IFT27: variants seen among roughly 807,000 people sequenced by gnomAD.
The protein encoded by IFT27 is intraflagellar transport 27.
In IFT27, 19 loss-of-function variants were observed where a neutral mutation model predicts 23.9. The ratio of observed to expected loss-of-function variants is 0.79; its 90% CI spans 0.55 to 1.16. The LOEUF is 1.16. Among genes scored for constraint, IFT27 ranks in the 50% most tolerant of loss-of-function variants. The pLI is 0.00. For synonymous variants in IFT27, 91 were observed against 89.1 expected (o/e 1.02, Z -0.12); for missense variants, 206 against 228.7 (o/e 0.90, Z 0.64).
At chr22:36,770,511 C>T (rs534895269) in intron 1 of IFT27, among the ~76,000 whole-genome samples, 3 of 152,316 alleles carry the variant, frequency 2.0e-5, no homozygotes, top group Admixed American at 6.5e-5. Flanking sequence ...TCCAAAAACC[C>T]GTGTGCGTTG....
intron 6 of IFT27, chr22:36,760,133 T>C (rs533408304): frequency 2.0e-5 from 3 of 152,252 alleles, no homozygotes; most frequent in Non-Finnish European, 4.4e-5. Flanking sequence ...AAGAATTCAG[T>C]ACATCCTGCC....
chr22:36,766,088 G>T (rs375310604), intron 4 of IFT27, 50 bp downstream of exon 4: 3 of 1,470,824 alleles, frequency 2.0e-6, no homozygotes, highest in Non-Finnish European at 2.9e-6. Flanking sequence ...AGGGGTAAAC[G>T]TTTTGGCAGG....
intron 5 of IFT27, 138 bp downstream of exon 5, chr22:36,763,781 G>T (rs1410733871): frequency 1.4e-6 from 1 of 729,876 alleles, no homozygotes; most frequent in South Asian, 1.5e-5. Context: ...TAAGTGGCAG[G>T]GCCAGTGTAC....
At chr22:36,772,478 A>C in intron 1 of IFT27, 1 of 984,668 alleles carries the variant, frequency 1.0e-6, no homozygotes, top group Non-Finnish European at 1.2e-6. Flanking sequence ...TGTTTTTTTA[A>C]AAGTAAACAA....
At chr22:36,758,610 A>G (rs1937995917) in intron 6 of IFT27, 1 of 581,508 alleles carries the variant, frequency 1.7e-6, no homozygotes. Flanking sequence ...AGATGAAGGT[A>G]CCTTGCAGGA....
At chr22:36,758,659 C>T in intron 6 of IFT27, 1 of 512,910 alleles carries the variant, frequency 1.9e-6, no homozygotes, top group Admixed American at 3.2e-5. Context: ...GGGGCCTGAA[C>T]CCATGTCTGT....
intron 6 of IFT27, chr22:36,761,099 T>C (rs1238074636): frequency 6.5e-6 from 1 of 153,102 alleles, no homozygotes; most frequent in African/African-American, 2.4e-5. Context: ...TAATAGCAAG[T>C]GCTTACTGCA....
At chr22:36,762,746 T>C (rs887530518) in intron 6 of IFT27, 158 bp downstream of exon 6, 5 of 456,004 alleles carry the variant, frequency 1.1e-5, no homozygotes, top group African/African-American at 6.1e-5. Flanking sequence ...GCTACTGCTA[T>C]ACTGAGAAGA....
rs762636530 is a variant in IFT27 at position 36,763,996 on chromosome 22, G to A, written c.275C>T (p.Thr92Ile). 1.9e-6 allele frequency: 3 copies of A among 1,614,188 alleles called. No homozygotes were observed. Among genetic ancestry groups the A allele is most frequent in the Admixed American group, 1.7e-5 (1 of 60,032 alleles). The change falls in exon 5 of 7, where the codon ACC becomes ATC. Residue 92 changes from threonine (T) to isoleucine (I), a missense_variant. Physicochemically the swap from Thr to Ile is moderately conservative, Grantham distance 89. Coordinates refer to ENST00000433985, the MANE Select transcript of IFT27 (RefSeq NM_001177701.3). ...GCAGTTGTTGAAGGATTCTTCATTG[G>A]TCACATCATAGACGAGACATAAGAC... ...PNVLCLVYDV[T>I]NEESFNNCSK...
rs537237649 is a variant in IFT27 at position 36,758,350 on chromosome 22, C to T, written c.522G>A (p.Leu174=). The change falls in exon 7 of 7, where the codon CTG becomes CTA. Residue 174 remains leucine, a synonymous_variant. Coordinates refer to ENST00000433985, the MANE Select transcript of IFT27 (RefSeq NM_001177701.3). ...FHCLAKQFHQ[L]YREKVEVFRA... is the part of the protein sequence containing the mutation. The stretch of plus-strand genomic sequence containing the variant: ...GGAAAACCTCCACCTTCTCCCGGTA[C>T]AGCTGGTGGAACTGCTTGGCAAGGC... The T allele has an allele frequency of 5.5e-5, 89 of 1,614,156 alleles. 1 individual carries two copies. In the South Asian group the frequency reaches 8.2e-4, roughly 15 times the overall value.
At chr22:36,766,928 C>CTTTTTT in intron 3 of IFT27, 1 of 149,202 alleles carries the variant, frequency 6.7e-6, no homozygotes, top group Non-Finnish European at 1.5e-5. Context: ...AGTACTTATA[C>CTTTTTT]TTTTTTTTTT....
At chr22:36,763,228 C>G in intron 5 of IFT27, 1 of 439,212 alleles carries the variant, frequency 2.3e-6, no homozygotes, top group Non-Finnish European at 4.0e-6. Context: ...TCATGCACAA[C>G]TTCTGCTAGG....
intron 4 of IFT27, among the ~76,000 whole-genome samples, chr22:36,765,192 G>A (rs538046161): frequency 2.6e-4 from 40 of 152,320 alleles, no homozygotes; most frequent in African/African-American, 8.9e-4. Flanking sequence ...ACACTTCAGC[G>A]TGGTTTTAAC....
chr22:36,769,468 C>T (rs576742529), intron 1 of IFT27, among the ~76,000 whole-genome samples: 3 of 152,286 alleles, frequency 2.0e-5, no homozygotes, highest in African/African-American at 7.2e-5. Flanking sequence ...GATTCTCCTG[C>T]CTTAGCCTCC....
At chr22:36,760,829 C>G (rs1297888828) in intron 6 of IFT27, 1 of 167,078 alleles carries the variant, frequency 6.0e-6, no homozygotes, top group Non-Finnish European at 1.5e-5. Context: ...CGTTACTTCC[C>G]CACTCCTCGC....
intron 6 of IFT27, 28 bp from the exon 7 acceptor site, chr22:36,758,437 G>C (rs1305354776): frequency 6.3e-6 from 10 of 1,583,634 alleles, no homozygotes; most frequent in South Asian, 2.2e-5. Flanking sequence ...AAAGTTGGCT[G>C]TGTTCTTTTA....
chr22:36,772,367 T>C, intron 1 of IFT27: 5 of 346,538 alleles, frequency 1.4e-5, no homozygotes, highest in Non-Finnish European at 2.0e-5. Context: ...AGCTGCAACA[T>C]GTATAACCTA....
chr22:36,763,043 A>G (rs777159398), intron 5 of IFT27, 30 bp from the exon 6 acceptor site: 1 of 1,503,522 alleles, frequency 6.7e-7, no homozygotes, highest in African/African-American at 1.4e-5. Context: ...AAAATATGGC[A>G]CTTCACTGTC....
At chr22:36,775,598 A>T (rs1938482654) in intron 1 of IFT27, 76 bp downstream of exon 1, 24 of 1,527,080 alleles carry the variant, frequency 1.6e-5, no homozygotes, top group Non-Finnish European at 2.0e-5. Context: ...ATTTAGGTGA[A>T]CAAAAGCTCT....
Sources: gnomAD v4.1 joint callset for allele counts (sites outside exome capture counted in the v4.1 genomes callset) on GRCh38, gnomAD v4.1.1 for gene constraint, MANE v1.5 for transcripts, NCBI Gene and HGNC (gene_info 2026-07-23, HGNC 2026-07-21) for gene names.